Variants in MYO16 observed in about 807,000 individuals in gnomAD.
MYO16 encodes the protein myosin XVI.
Under a neutral mutation model 205.3 loss-of-function variants are expected in MYO16, and 94 were observed. That is an observed-to-expected ratio of 0.46 (90% confidence interval 0.39 to 0.54). The LOEUF (loss-of-function observed/expected upper bound fraction) is 0.54. MYO16 is among the 20% of genes least tolerant of loss of function. MYO16 has a pLI of 0.00. For missense variants in MYO16, 2,315 were observed against 2,387.5 expected (o/e 0.97, Z 0.63); for synonymous variants, 988 against 954.0 (o/e 1.04, Z -0.66).
intron 4 of MYO16, among the ~76,000 whole-genome samples, chr13:108,781,546 CTCTT>C (rs1427272758): frequency 6.6e-6 from 1 of 152,348 alleles, no homozygotes; most frequent in Admixed American, 6.5e-5. Context: ...AGTAGCTTAA[CTCTT>C]TCTCTCTCTG....
chr13:108,796,892 A>G (rs1208316593), intron 6 of MYO16, among the ~76,000 whole-genome samples: 2 of 151,790 alleles, frequency 1.3e-5, no homozygotes, highest in South Asian at 2.1e-4. Context: ...CACGTTGTGC[A>G]CATGTACCCT....
chr13:109,113,496 T>C (rs968217403), intron 28 of MYO16, among the ~76,000 whole-genome samples: 1 of 152,126 alleles, frequency 6.6e-6, no homozygotes, highest in Non-Finnish European at 1.5e-5. Flanking sequence ...ATAATGAGAT[T>C]GATATTTAGA....
chr13:108,519,584 C>G, the MYO16 span, among the ~76,000 whole-genome samples: 1 of 150,964 alleles, frequency 6.6e-6, no homozygotes, highest in Non-Finnish European at 1.5e-5. Flanking sequence ...ATAATGGAAA[C>G]AAACACAAGA....
In MYO16 at chr13:108,721,681, C is replaced by T. The variant is rs148597306; in HGVS notation, c.364-5759C>T. Among the ~76,000 whole-genome samples, 20 of 152,246 alleles carry T rather than the reference C, an allele frequency of 1.3e-4. No homozygotes were observed. In the South Asian group the frequency reaches 2.3e-3, roughly 17 times the overall value. ...TTAGAAAGAAGCACATCAATGTAAG[C>T]GTTCAGTGATTCCAGAAGAATCAAT... On this transcript the variant is annotated intron_variant, in intron 3 of 34. Transcript: ENST00000457511.
chr13:108,976,491 T>C lies in MYO16; in HGVS notation c.2369+11589T>C, dbSNP rs74119484. Among the ~76,000 whole-genome samples the C allele has an allele frequency of 6.2e-3, 949 of 152,286 alleles. 11 individuals are homozygous for C. Among genetic ancestry groups the C allele is most frequent in the African/African-American group, 0.021 (872 of 41,568 alleles). ...TGTATCAGTTATTTTATTGAAATGA[T>C]TATCAAGATTCAAACTCTTTGGTGG... On this transcript the variant is annotated intron_variant, in intron 20 of 34. Transcript: ENST00000457511.
At chr13:108,570,363 C>G in the MYO16 span, among the ~76,000 whole-genome samples, 92 of 152,126 alleles carry the variant, frequency 6.0e-4, no homozygotes, top group Admixed American at 1.8e-3. Context: ...ATCCTCCTGC[C>G]TCAGCCTCCC....
chr13:108,995,532 G>A (rs759700346), intron 21 of MYO16, among the ~76,000 whole-genome samples: 6 of 151,972 alleles, frequency 3.9e-5, no homozygotes, highest in Non-Finnish European at 7.4e-5. Context: ...TTGGTGTGCT[G>A]CCCCCATCAA....
At chr13:108,628,350 G>A (rs1879827005), upstream of MYO16, among the ~76,000 whole-genome samples, 1 of 152,066 alleles carries the variant, frequency 6.6e-6, no homozygotes, top group South Asian at 2.1e-4. Flanking sequence ...TCATCATTTG[G>A]TACATACATA....
intron 4 of MYO16, among the ~76,000 whole-genome samples, chr13:108,748,386 A>G (rs1885129823): frequency 6.6e-6 from 1 of 152,094 alleles, no homozygotes; most frequent in Admixed American, 6.5e-5. Flanking sequence ...AGCATTAAAT[A>G]CGTGTATTAG....
At chr13:108,681,708 A>C (rs762778726) in intron 2 of MYO16, among the ~76,000 whole-genome samples, 7 of 151,980 alleles carry the variant, frequency 4.6e-5, no homozygotes, top group Non-Finnish European at 8.8e-5. Flanking sequence ...AGAGAGAGAG[A>C]GCCAGAGTTT....
rs145058736 is a variant in MYO16 at position 108,696,531 on chromosome 13, G to T, written c.293-16130G>T. ...CTCTTTAAATGAAATTCCAGTGTAG[G>T]CAAAACTATTATCATTGATGGTGGA... is the stretch of plus-strand genomic sequence containing the variant. On this transcript the variant is annotated intron_variant, in intron 2 of 34. Transcript: ENST00000457511. Among the ~76,000 whole-genome samples the T allele has an allele frequency of 6.2e-4, 94 of 152,238 alleles. 1 individual carries two copies. The highest frequency in any genetic ancestry group is 1.1e-3 in the Non-Finnish European group (72 of 68,016).
At chr13:108,773,249 C>G (rs966892631) in intron 4 of MYO16, among the ~76,000 whole-genome samples, 6 of 152,182 alleles carry the variant, frequency 3.9e-5, no homozygotes, top group African/African-American at 1.4e-4. Flanking sequence ...GGCAGTATCT[C>G]TATACATGTA....
At chr13:108,519,850 T>C in the MYO16 span, among the ~76,000 whole-genome samples, 3 of 152,132 alleles carry the variant, frequency 2.0e-5, no homozygotes, top group Non-Finnish European at 4.4e-5. Context: ...TTAGTGACAT[T>C]ATATAAAAAA....
chr13:108,529,137 A>G, the MYO16 span, among the ~76,000 whole-genome samples: 1 of 152,118 alleles, frequency 6.6e-6, no homozygotes, highest in Non-Finnish European at 1.5e-5. Flanking sequence ...ACTAACCACC[A>G]ATTGTCCTTA....
At chr13:109,115,265 A>C (rs1278726098) in intron 28 of MYO16, among the ~76,000 whole-genome samples, 1 of 151,376 alleles carries the variant, frequency 6.6e-6, no homozygotes, top group Non-Finnish European at 1.5e-5. Context: ...AAAAAAAAAA[A>C]AAAAACACCT....
chr13:109,151,979 A>G (rs1877697473), intron 32 of MYO16, among the ~76,000 whole-genome samples: 2 of 152,222 alleles, frequency 1.3e-5, no homozygotes, highest in Admixed American at 1.3e-4. Flanking sequence ...TGGAGGGGAC[A>G]TACAGGAGTG....
rs530648171 is a variant in MYO16 at position 108,816,834 on chromosome 13, C to T, written c.868-3503C>T. On this transcript the variant is annotated intron_variant, in intron 7 of 34. Coordinates refer to ENST00000457511, the MANE Select transcript of MYO16 (RefSeq NM_001198950.3). Reference sequence around the variant, plus strand: ...GATTTCCCACTACAATACATATATCCGAAAAATTCATCCAGATCATATAAA... The same window carrying T: ...GATTTCCCACTACAATACATATATCTGAAAAATTCATCCAGATCATATAAA... Among the ~76,000 whole-genome samples, 83 of 152,134 alleles carry T rather than the reference C, an allele frequency of 5.5e-4. 1 individual carries two copies. Among genetic ancestry groups the T allele is most frequent in the Admixed American group, 1.5e-3 (23 of 15,280 alleles).
intron 4 of MYO16, among the ~76,000 whole-genome samples, chr13:108,769,135 C>T (rs1050160757): frequency 6.6e-6 from 1 of 152,056 alleles, no homozygotes; most frequent in African/African-American, 2.4e-5. Context: ...GTGTTTAAAA[C>T]ATTGAATAGT....
chr13:109,173,946 A>G (rs1488877572), intron 33 of MYO16, among the ~76,000 whole-genome samples: 1 of 74,850 alleles, frequency 1.3e-5, no homozygotes, highest in Admixed American at 1.2e-4. Flanking sequence ...CCTTGTTTTG[A>G]TGGGGGGGGG....
Sources: gnomAD v4.1 joint callset for allele counts (sites outside exome capture counted in the v4.1 genomes callset) on GRCh38, gnomAD v4.1.1 for gene constraint, MANE v1.5 for transcripts, NCBI Gene and HGNC (gene_info 2026-07-23, HGNC 2026-07-21) for gene names.